Variants in RFX2 observed in about 807,000 individuals in gnomAD.
RFX2 encodes DNA-binding protein RFX2.
Under a neutral mutation model 87.8 loss-of-function variants are expected in RFX2, and 20 were observed. The observed-to-expected ratio is 0.23, with a 90% confidence interval of 0.16 to 0.33. The LOEUF (loss-of-function observed/expected upper bound fraction) is 0.33, where lower values mean the gene tolerates loss of function less well. RFX2 is among the 10% of genes least tolerant of loss of function. The pLI, the probability that RFX2 is intolerant of heterozygous loss-of-function variation, is 1.00. For missense variants in RFX2, 767 were observed against 1,012.3 expected (o/e 0.76, Z 3.29); for synonymous variants, 397 against 431.3 (o/e 0.92, Z 0.98).
intron 1 of RFX2, among the ~76,000 whole-genome samples, chr19:6,077,774 G>A (rs1368429454): frequency 1.3e-5 from 2 of 152,088 alleles, no homozygotes; most frequent in Admixed American, 6.6e-5. Flanking sequence ...CTGAGGTCAG[G>A]AGTTTGAGAC....
intron 7 of RFX2, among the ~76,000 whole-genome samples, chr19:6,015,860 A>G (rs1470135076): frequency 6.6e-6 from 1 of 152,224 alleles, no homozygotes; most frequent in African/African-American, 2.4e-5. Flanking sequence ...AAAAGGAGAG[A>G]GAAAACCAGA....
Position 6,016,372 on chromosome 19 carries a change from C to G in RFX2, c.598-101G>C. On this transcript the variant is annotated intron_variant, in intron 6 of 17. Coordinates refer to ENST00000303657, the MANE Select transcript of RFX2 (RefSeq NM_000635.4). The surrounding 1 kb of genome is among the most constrained non-coding windows in gnomAD (Gnocchi z 5.4). ...GAATTACTTGCGTTCCCTGTGTTAC[C>G]AAATGGGATGAGGAAATCCATCTTT... 1 of 737,366 alleles carries G rather than the reference C, an allele frequency of 1.4e-6. No individual in the cohort carries two copies. Among genetic ancestry groups the G allele is most frequent in the Non-Finnish European group, 2.1e-6 (1 of 474,934 alleles). 45.7% of individuals were successfully genotyped at this position (737,366 alleles called of 1,614,324 possible).
rs1568498338 is a variant in RFX2 at position 6,001,822 on chromosome 19, A to G, written c.1852T>C (p.Phe618Leu). The change falls in exon 15 of 18, where the codon TTT (phenylalanine) becomes CTT (leucine). Residue 618 changes from phenylalanine to leucine, a missense_variant. Around this residue, in one of 2 missense-constraint regions of RFX2, gnomAD observed 621 missense variants for 873.0 expected, o/e 0.71. Transcript: ENST00000303657. This position sits in a 1 kb window ranked among gnomAD's most constrained non-coding sequence, Gnocchi z 5.6. ...AGGTCTGGTGGGACTAACCTGTAAA[A>G]GGACCATTTCAGCAAGAACTGCCGG... ...AARQFLLKWS[F>L]YSSMVIRDLT... The G allele has an allele frequency of 1.9e-6, 3 of 1,608,498 alleles. No individual in the cohort carries two copies. The highest frequency in any genetic ancestry group is 1.7e-6 in the Non-Finnish European group (2 of 1,176,976).
At chr19:6,082,721 CT>C (rs1231332936) in intron 1 of RFX2, among the ~76,000 whole-genome samples, 4 of 152,134 alleles carry the variant, frequency 2.6e-5, no homozygotes, top group Non-Finnish European at 5.9e-5. Flanking sequence ...GTGTTAGCCA[CT>C]GGAAAACTTT....
intron 3 of RFX2, among the ~76,000 whole-genome samples, chr19:6,043,196 G>T (rs142170120): frequency 6.6e-6 from 1 of 152,340 alleles, no homozygotes; most frequent in East Asian, 1.9e-4. Context: ...CCAGAAAAGT[G>T]GTGGAAGCTT....
In RFX2 at chr19:6,007,118, G is replaced by T; in HGVS notation, c.1296C>A (p.Ser432=). ...TGAGGATGGGGTCGCACTGACACAG[G>T]GAGATAAGCTTGTCCTTGGGCAGGA... ...GAVLPKDKLI[S]LCQCDPILRW... is the part of the protein sequence containing the mutation. The change falls in exon 12 of 18, where the codon TCC becomes TCA. Residue 432 remains serine (S), a synonymous_variant. Transcript: ENST00000303657. The surrounding 1 kb of genome is among the most constrained non-coding windows in gnomAD (Gnocchi z 8.2). 2 of 1,614,146 alleles carry T rather than the reference G, an allele frequency of 1.2e-6. No homozygotes were observed. The highest frequency in any genetic ancestry group is 1.7e-6 in the Non-Finnish European group (2 of 1,180,024).
intron 12 of RFX2, among the ~76,000 whole-genome samples, chr19:6,005,045 G>A (rs565299179): frequency 6.6e-6 from 1 of 152,256 alleles, no homozygotes; most frequent in South Asian, 2.1e-4. Flanking sequence ...CTTGAACCCA[G>A]GAGGCAAAGA....
Position 6,024,026 on chromosome 19 carries a change from C to T in RFX2, c.597+2137G>A, listed in dbSNP as rs187652638. Among the ~76,000 whole-genome samples, 6 of 152,270 alleles carry T rather than the reference C, an allele frequency of 3.9e-5. No individual in the cohort carries two copies. Among genetic ancestry groups the T allele is most frequent in the African/African-American group, 1.2e-4 (5 of 41,568 alleles). ...AACTCCTGACCTCAAGTGGTACACC[C>T]GCCTTGGTCTCCCAAACTGCTGGGA... On this transcript the variant is annotated intron_variant, in intron 6 of 17. Coordinates refer to ENST00000303657, the MANE Select transcript of RFX2 (RefSeq NM_000635.4). The surrounding 1 kb of genome is among the most constrained non-coding windows in gnomAD (Gnocchi z 5.0).
rs1397442406 is a variant in RFX2, at chr19:6,017,785, C to T, written c.598-1514G>A. Among the ~76,000 whole-genome samples the T allele has an allele frequency of 6.6e-6, 1 of 152,004 alleles. No homozygotes were observed. Among genetic ancestry groups the T allele is most frequent in the Admixed American group, 6.6e-5 (1 of 15,266 alleles). On this transcript the variant is annotated intron_variant, in intron 6 of 17. Coordinates refer to ENST00000303657, the MANE Select transcript of RFX2 (RefSeq NM_000635.4). The surrounding 1 kb of genome is among the most constrained non-coding windows in gnomAD (Gnocchi z 4.1). ...TGCACAGCCCTTGGCCTGGGAAGCCCTTGTCCCTGTGCCCCGCACACCCCA... is the reference window on the plus strand; with the variant it reads ...TGCACAGCCCTTGGCCTGGGAAGCCTTTGTCCCTGTGCCCCGCACACCCCA...
rs942556711 is a variant in RFX2, at chr19:6,056,496, A to C, written c.-8-8992T>G. On this transcript the variant is annotated intron_variant, in intron 1 of 17. Transcript: ENST00000303657. The surrounding 1 kb of genome is among the most constrained non-coding windows in gnomAD (Gnocchi z 4.6). Reference sequence around the variant, plus strand: ...ATGCTGGATCCTGAGTAACTCCTCCACCTGGCAGAGGAGAGCGCAGCAGAG... The same window carrying C: ...ATGCTGGATCCTGAGTAACTCCTCCCCCTGGCAGAGGAGAGCGCAGCAGAG... Among the ~76,000 whole-genome samples the C allele has an allele frequency of 1.3e-5, 2 of 152,168 alleles. No individual in the cohort carries two copies. Among genetic ancestry groups the C allele is most frequent in the Non-Finnish European group, 2.9e-5 (2 of 68,016 alleles).
intron 1 of RFX2, among the ~76,000 whole-genome samples, chr19:6,092,370 C>T (rs1444887883): frequency 6.6e-6 from 1 of 152,124 alleles, no homozygotes; most frequent in Admixed American, 6.5e-5. Context: ...CAGCTTGGGA[C>T]GGAGGGTGGC....
At position 6,019,585 on chromosome 19, in the gene RFX2, G is replaced by GATATATATAT. The variant is rs141504032; in HGVS notation, c.598-3324_598-3315dup. Reference sequence around the variant, plus strand: ...ACTTTTTTTTTTTTTTAGAGACAGGGATATATATATATATATATATTTAGA... The same window carrying GATATATATAT: ...ACTTTTTTTTTTTTTTAGAGACAGGGATATATATATATATATATATATATATATATTTAGA... On this transcript the variant is annotated intron_variant, in intron 6 of 17. Transcript: ENST00000303657. Among the ~76,000 whole-genome samples, 1,226 of 129,394 alleles carry GATATATATAT rather than the reference G, an allele frequency of 9.5e-3. 29 individuals carry two copies. The highest frequency in any genetic ancestry group is 0.037 in the African/African-American group (1,176 of 31,940). The allele number at this position is 129,394 out of a possible 152,430, so 84.9% of individuals were successfully genotyped here.
In RFX2 at chr19:6,008,146, T is replaced by C; in HGVS notation, c.1094A>G (p.Asp365Gly). ...GTACACCAGCTGCAGGGCCTTGACG[T>C]CGTGCAGTGTGACGCCGTCCTGCAG... Reference protein sequence around the residue: ...FLLQDGVTLHDVKALQLVYRR... With the variant: ...FLLQDGVTLHGVKALQLVYRR... Residue 365 changes from aspartate (D) to glycine (G), a missense_variant, in exon 10 of 18, where the codon GAC (aspartate) becomes GGC (glycine). Asp to Gly is a moderately conservative substitution (Grantham distance 94). Around this residue, in one of 2 missense-constraint regions of RFX2, gnomAD observed 621 missense variants for 873.0 expected, o/e 0.71. Transcript: ENST00000303657. The C allele has an allele frequency of 1.3e-6, 2 of 1,555,488 alleles. No homozygotes were observed. The highest frequency in any genetic ancestry group is 1.7e-6 in the Non-Finnish European group (2 of 1,148,764).
chr19:5,994,902 C>T lies in RFX2; in HGVS notation c.2105G>A (p.Arg702His), dbSNP rs141415407. The change falls in exon 18 of 18, where the codon CGC becomes CAC. Residue 702 changes from arginine to histidine, a missense_variant. This residue lies in a region of RFX2 where 621 missense variants were observed against 873.0 expected (regional missense o/e 0.71). Coordinates refer to ENST00000303657, the MANE Select transcript of RFX2 (RefSeq NM_000635.4). ...CTTTACCAGGGGCTCACCCAGGCTG[C>T]GGGCGTCTGGGCCCGCCTCGCTGCC... The part of the protein sequence containing the change: ...QRGSEAGPDA[R>H]SLGEPLVKRE... 6.5e-4 allele frequency: 1,039 copies of T among 1,609,924 alleles called. 1 individual carries two copies. The highest frequency in any genetic ancestry group is 8.2e-4 in the Non-Finnish European group (965 of 1,179,876).
At chr19:6,019,585 G>GATATATAT (rs141504032) in intron 6 of RFX2, among the ~76,000 whole-genome samples, 108 of 129,466 alleles carry the variant, frequency 8.3e-4, no homozygotes, top group Admixed American at 2.3e-3. Context: ...TAGAGACAGG[G>GATATATAT]ATATATATAT....
chr19:6,022,497 T>C lies in RFX2; in HGVS notation c.597+3666A>G, dbSNP rs886169698. On this transcript the variant is annotated intron_variant, in intron 6 of 17. Coordinates refer to ENST00000303657, the MANE Select transcript of RFX2 (RefSeq NM_000635.4). The surrounding 1 kb of genome is among the most constrained non-coding windows in gnomAD (Gnocchi z 6.2). ...CATGGTGACAGAGACTCGGTGAACC[T>C]GCTACGGGGTCCCGGTCGGCTGGTA... Among the ~76,000 whole-genome samples, 2 of 152,222 alleles carry C rather than the reference T, an allele frequency of 1.3e-5. No individual in the cohort carries two copies. Among genetic ancestry groups the C allele is most frequent in the African/African-American group, 4.8e-5 (2 of 41,462 alleles).
intron 1 of RFX2, among the ~76,000 whole-genome samples, chr19:6,077,871 T>C (rs1310470695): frequency 6.6e-6 from 1 of 151,410 alleles, no homozygotes; most frequent in Non-Finnish European, 1.5e-5. Flanking sequence ...TCCCAGCTAC[T>C]TGGGAGGCTG....
At chr19:6,077,548 C>T (rs950764179) in intron 1 of RFX2, among the ~76,000 whole-genome samples, 2 of 152,196 alleles carry the variant, frequency 1.3e-5, no homozygotes, top group Admixed American at 6.5e-5. Context: ...TTTTCCCCTC[C>T]TCAAAATTCA....
At position 6,021,800 on chromosome 19, in the gene RFX2, G is replaced by A. The variant is rs2086815014; in HGVS notation, c.597+4363C>T. On this transcript the variant is annotated intron_variant, in intron 6 of 17. Transcript: ENST00000303657. This position sits in a 1 kb window ranked among gnomAD's most constrained non-coding sequence, Gnocchi z 5.7. ...GGAGCCCTGGAGGCTTCCAAGCAGA[G>A]CAGTGTGGCGATCTGACCTGGGTTT... Among the ~76,000 whole-genome samples the A allele has an allele frequency of 6.6e-6, 1 of 152,260 alleles. No homozygotes were observed. Among genetic ancestry groups the A allele is most frequent in the Non-Finnish European group, 1.5e-5 (1 of 68,044 alleles).
Sources: allele counts gnomAD v4.1 joint callset (sites outside exome capture counted in the v4.1 genomes callset), GRCh38; gene constraint gnomAD v4.1.1; regional missense constraint gnomAD v4.1.1; non-coding constraint Gnocchi (gnomAD v3.1); transcripts MANE v1.5; gene names NCBI Gene and HGNC (gene_info 2026-07-23, HGNC 2026-07-21).